CYB5D2: variants seen among roughly 807,000 people sequenced by gnomAD.
CYB5D2 encodes neuferricin.
CYB5D2 carries 23 observed loss-of-function variants against 22.8 expected under a neutral mutation model. That is an observed-to-expected ratio of 1.01 (90% confidence interval 0.73 to 1.43). CYB5D2 has a LOEUF of 1.43. CYB5D2 is among the 40% of genes most tolerant of loss of function. CYB5D2 has a pLI of 0.00. For missense variants in CYB5D2, 373 were observed against 357.2 expected (o/e 1.04, Z -0.36); for synonymous variants, 170 against 152.2 (o/e 1.12, Z -0.86).
intron 3 of CYB5D2, 138 bp from the exon 4 acceptor site, chr17:4,156,728 G>A (rs2059115685): frequency 2.3e-6 from 2 of 884,940 alleles, no homozygotes; most frequent in South Asian, 1.7e-5. Context: ...GGGGCTGAGC[G>A]CTGTAGCCTG....
rs2059121825 is a variant in CYB5D2 at position 4,157,168 on chromosome 17, T to C, written c.*86T>C. On this transcript the variant is annotated 3_prime_UTR_variant, in exon 4 of 4. Transcript: ENST00000301391. This position sits in a 1 kb window ranked among gnomAD's most constrained non-coding sequence, Gnocchi z 4.4. ...TGACACTTGTGTGCCCTGGGATGCC[T>C]CCTGGCGCGAATCAGGAGGGTCTGG... 4 of 1,434,164 alleles carry C rather than the reference T, an allele frequency of 2.8e-6. No homozygotes were observed. The highest frequency in any genetic ancestry group is 3.8e-6 in the Non-Finnish European group (4 of 1,043,500). 88.8% of individuals were successfully genotyped at this position (1,434,164 alleles called of 1,614,324 possible).
At chr17:4,156,132 C>A (rs1331100553) in intron 3 of CYB5D2, among the ~76,000 whole-genome samples, 1 of 152,238 alleles carries the variant, frequency 6.6e-6, no homozygotes, top group Non-Finnish European at 1.5e-5. Context: ...ACAGCAGGCA[C>A]CGGAAGCTGT....
rs193272839 is a variant in CYB5D2 at position 4,157,492 on chromosome 17, G to C, written c.*410G>C. 288 of 220,176 alleles carry C rather than the reference G, an allele frequency of 1.3e-3. No individual in the cohort carries two copies. The highest frequency in any genetic ancestry group is 2.3e-3 in the Non-Finnish European group (254 of 110,832). The allele number at this position is 220,176 out of a possible 1,614,324, so 13.6% of individuals were successfully genotyped here. A position where few individuals can be genotyped will look rare whatever the true frequency, so the allele number is the denominator to read the frequency against. On this transcript the variant is annotated 3_prime_UTR_variant, in exon 4 of 4. Coordinates refer to ENST00000301391, the MANE Select transcript of CYB5D2 (RefSeq NM_144611.4). The surrounding 1 kb of genome is among the most constrained non-coding windows in gnomAD (Gnocchi z 4.4). Reference sequence around the variant, plus strand: ...TGATTCTGGAATTGGAAAAGCTTTTGCTTGTATGGATACAGCAAATCCAGA... The same window carrying C: ...TGATTCTGGAATTGGAAAAGCTTTTCCTTGTATGGATACAGCAAATCCAGA...
At chr17:4,149,802 A>C in intron 1 of CYB5D2, 89 bp from the exon 2 acceptor site, 1 of 1,532,078 alleles carries the variant, frequency 6.5e-7, no homozygotes, top group Non-Finnish European at 8.8e-7. Context: ...CCGTCTCAAA[A>C]AAAAAAGAAA....
chr17:4,155,005 G>C lies in CYB5D2; in HGVS notation c.578+145G>C, dbSNP rs140313659. ...ATACTGATAATAATTCTCAACTTTG[G>C]CTGCATATTAGATCTTCTGGGGAAT... On this transcript the variant is annotated intron_variant, in intron 3 of 3. Transcript: ENST00000301391. 4.3e-4 allele frequency: 397 copies of C among 917,344 alleles called. 3 individuals are homozygous for C. The Middle Eastern group carries it at 9.1e-3, about 21-fold the overall frequency. 56.8% of individuals were successfully genotyped at this position (917,344 alleles called of 1,614,324 possible).
rs755604042 is a variant in CYB5D2, at chr17:4,143,800, A to G, written c.45A>G (p.Val15=). 6.0e-5 allele frequency: 97 copies of G among 1,613,972 alleles called. No homozygotes were observed. Among genetic ancestry groups the G allele is most frequent in the Non-Finnish European group, 8.1e-5 (95 of 1,179,998 alleles). ...GTGGGCTTTTGTTGGGCCTGGCTGT[A>G]GCCGCAGCAGCGGTAATGGCAGCAC... The part of the protein sequence containing the change: ...GGRGLLLGLA[V]AAAAVMAARL... The change falls in exon 1 of 4, where the codon GTA becomes GTG. Residue 15 remains valine, a synonymous_variant. Coordinates refer to ENST00000301391, the MANE Select transcript of CYB5D2 (RefSeq NM_144611.4).
chr17:4,154,988 A>G (rs545760720), intron 3 of CYB5D2, 128 bp downstream of exon 3: 4 of 1,001,358 alleles, frequency 4.0e-6, no homozygotes, highest in African/African-American at 3.3e-5. Context: ...AAATACTGAT[A>G]ATAATTCTCA....
chr17:4,145,901 C>T (rs562756095), intron 1 of CYB5D2, among the ~76,000 whole-genome samples: 1 of 152,138 alleles, frequency 6.6e-6, no homozygotes, highest in East Asian at 1.9e-4. Flanking sequence ...CAAGCTCAAG[C>T]AATCCTTCCA....
rs1239864230 is a variant in CYB5D2, at chr17:4,149,030, C to T, written c.251-861C>T. Among the ~76,000 whole-genome samples, 4 of 151,892 alleles carry T rather than the reference C, an allele frequency of 2.6e-5. No individual in the cohort carries two copies. The South Asian group carries it at 6.2e-4, about 24-fold the overall frequency. ...TGCAGTGGCATGGTCATAGCTCAAA[C>T]CCCTGGGCTCAAGCAGTCCTCCTTA... On this transcript the variant is annotated intron_variant, in intron 1 of 3. Transcript: ENST00000301391.
intron 2 of CYB5D2, among the ~76,000 whole-genome samples, chr17:4,150,312 G>T (rs1180110271): frequency 6.6e-6 from 1 of 152,120 alleles, no homozygotes; most frequent in Non-Finnish European, 1.5e-5. Flanking sequence ...TGAACAACCA[G>T]CTCCAGAAGG....
chr17:4,144,091 T>G (rs2058943388), intron 1 of CYB5D2, 86 bp downstream of exon 1: 1 of 1,493,504 alleles, frequency 6.7e-7, no homozygotes, highest in African/African-American at 1.4e-5. Context: ...ATTATTCATC[T>G]ATTTCCCCCC....
intron 1 of CYB5D2, among the ~76,000 whole-genome samples, chr17:4,147,731 T>C (rs942646393): frequency 6.6e-6 from 1 of 152,206 alleles, no homozygotes; most frequent in African/African-American, 2.4e-5. Flanking sequence ...CGCATGCCTG[T>C]AATCCCAGCT....
chr17:4,155,215 C>T (rs530115405), intron 3 of CYB5D2, among the ~76,000 whole-genome samples: 3 of 152,230 alleles, frequency 2.0e-5, no homozygotes, highest in South Asian at 2.1e-4. Flanking sequence ...CAGCCACCCA[C>T]GGGCTTTGGT....
At chr17:4,147,487 A>G (rs958042079) in intron 1 of CYB5D2, among the ~76,000 whole-genome samples, 15 of 152,244 alleles carry the variant, frequency 9.9e-5, no homozygotes, top group Admixed American at 1.3e-4. Context: ...GTTAAAAGGA[A>G]AAGTACTGGT....
intron 1 of CYB5D2, among the ~76,000 whole-genome samples, chr17:4,148,614 G>A (rs888580529): frequency 6.6e-6 from 1 of 151,218 alleles, no homozygotes; most frequent in African/African-American, 2.4e-5. Flanking sequence ...CAAGGTGGGT[G>A]GATCACCGGA....
intron 1 of CYB5D2, among the ~76,000 whole-genome samples, chr17:4,147,015 G>A (rs1490638885): frequency 6.6e-6 from 1 of 151,972 alleles, no homozygotes; most frequent in Admixed American, 6.6e-5. Context: ...CTAATAATAT[G>A]GATATACCAC....
At position 4,157,236 on chromosome 17, in the gene CYB5D2, AC is replaced by A; in HGVS notation, c.*156del. 1 of 889,860 alleles carries A rather than the reference AC, an allele frequency of 1.1e-6. No individual in the cohort carries two copies. The highest frequency in any genetic ancestry group is 1.7e-5 in the South Asian group (1 of 58,882). The allele number at this position is 889,860 out of a possible 1,614,324, so 55.1% of individuals were successfully genotyped here. A position where few individuals can be genotyped will look rare whatever the true frequency, so the allele number is the denominator to read the frequency against. ...TCTGCAAATGTGGCTCATGCCCCTT[AC>A]CGTGGCTCGGCGTTGTGGTGCCTGA... On this transcript the variant is annotated 3_prime_UTR_variant, in exon 4 of 4. Coordinates refer to ENST00000301391, the MANE Select transcript of CYB5D2 (RefSeq NM_144611.4). The surrounding 1 kb of genome is among the most constrained non-coding windows in gnomAD (Gnocchi z 4.4).
Position 4,143,808 on chromosome 17 carries a change from C to A in CYB5D2, c.53C>A (p.Ala18Glu). The A allele has an allele frequency of 6.2e-7, 1 of 1,614,126 alleles. No homozygotes were observed. The highest frequency in any genetic ancestry group is 8.5e-7 in the Non-Finnish European group (1 of 1,180,006). Residue 18 changes from alanine to glutamate, a missense_variant, in exon 1 of 4, where the codon GCA (alanine) becomes GAA (glutamate). By Grantham distance (107) the Ala-to-Glu change is moderately radical (BLOSUM62 -1). Transcript: ENST00000301391. ...TTGTTGGGCCTGGCTGTAGCCGCAG[C>A]AGCGGTAATGGCAGCACGGCTTATG... ...GLLLGLAVAA[A>E]AVMAARLMGW...
At chr17:4,144,085 T>C in intron 1 of CYB5D2, 80 bp downstream of exon 1, 1 of 1,502,830 alleles carries the variant, frequency 6.7e-7, no homozygotes, top group South Asian at 1.3e-5. Flanking sequence ...TGGTTCATTA[T>C]TCATCTATTT....
Sources: allele counts gnomAD v4.1 joint callset (sites outside exome capture counted in the v4.1 genomes callset), GRCh38; gene constraint gnomAD v4.1.1; non-coding constraint Gnocchi (gnomAD v3.1); transcripts MANE v1.5; gene names NCBI Gene and HGNC (gene_info 2026-07-23, HGNC 2026-07-21).